LPIN1: variants seen among roughly 807,000 people sequenced by gnomAD.
LPIN1 encodes lipin 1, also known as phosphatidate phosphatase LPIN1.
Under a neutral mutation model 107.5 loss-of-function variants are expected in LPIN1, and 71 were observed. The observed-to-expected ratio is 0.66, with a 90% confidence interval of 0.55 to 0.80. The LOEUF (loss-of-function observed/expected upper bound fraction) is 0.80. Among genes scored for constraint, LPIN1 ranks in the 30% least tolerant of loss-of-function variants. The pLI, the probability that LPIN1 is intolerant of heterozygous loss-of-function variation, is 0.00. For missense variants in LPIN1, 1,043 were observed against 1,160.6 expected, an observed-to-expected ratio of 0.90 and a Z score of 1.47; for synonymous variants, 445 against 452.6, an observed-to-expected ratio of 0.98 and a Z score of 0.21.
chr2:11,759,685 G>A lies in LPIN1; in HGVS notation c.-9-5848G>A, dbSNP rs1281594940. On this transcript the variant is annotated intron_variant, in intron 1 of 20. Coordinates refer to ENST00000674199, the MANE Select transcript of LPIN1 (RefSeq NM_001349206.2). ...ATTGTCATCATGGCCCGTTCTCAAT[G>A]AGCTGTTGGGTACACCTCCCAGACG... Among the ~76,000 whole-genome samples the A allele has an allele frequency of 3.5e-3, 538 of 152,342 alleles. 4 individuals are homozygous for A. Among genetic ancestry groups the A allele is most frequent in the African/African-American group, 0.012 (518 of 41,574 alleles).
chr2:11,717,405 G>A (rs1378714645), intron 2 of LPIN1, among the ~76,000 whole-genome samples: 1 of 151,972 alleles, frequency 6.6e-6, no homozygotes, highest in Non-Finnish European at 1.5e-5. Context: ...TTTTCTTGGC[G>A]GGGAGAGATA....
chr2:11,692,957 C>A (rs1450732252), intron 1 of LPIN1, among the ~76,000 whole-genome samples: 1 of 152,158 alleles, frequency 6.6e-6, no homozygotes, highest in Non-Finnish European at 1.5e-5. Flanking sequence ...TTGAGGCCAG[C>A]TGAAGTTGGA....
At chr2:11,823,724 A>G (rs1681960635) in intron 20 of LPIN1, among the ~76,000 whole-genome samples, 1 of 152,208 alleles carries the variant, frequency 6.6e-6, no homozygotes, top group Admixed American at 6.5e-5. Context: ...CTGAACATGC[A>G]TATTCAATAT....
chr2:11,677,570 T>A, upstream of LPIN1: 1 of 1,108,392 alleles, frequency 9.0e-7, no homozygotes, highest in Non-Finnish European at 1.3e-6. Flanking sequence ...GCCTCCCAGC[T>A]TCTGAGCCGG....
chr2:11,819,619 A>G (rs1681188622), intron 19 of LPIN1, 21 bp downstream of exon 19: 2 of 1,543,062 alleles, frequency 1.3e-6, no homozygotes, highest in Admixed American at 3.3e-5. Flanking sequence ...GATTGGGTAT[A>G]GAAGAACCCT....
intron 1 of LPIN1, among the ~76,000 whole-genome samples, chr2:11,733,476 G>GTGAC (rs928473327): frequency 1.0e-4 from 15 of 150,034 alleles, no homozygotes; most frequent in Non-Finnish European, 1.9e-4. Context: ...TCTTTACTGT[G>GTGAC]TTTTCTTTCT....
intron 10 of LPIN1, among the ~76,000 whole-genome samples, chr2:11,785,641 C>G (rs1674431826): frequency 6.6e-6 from 1 of 152,126 alleles, no homozygotes; most frequent in African/African-American, 2.4e-5. Context: ...AGTGGCCCTG[C>G]ACCCCTCCCG....
At chr2:11,724,514 A>G (rs1209544268) in exon 1 of LPIN1, 1 of 985,580 alleles carries the variant, frequency 1.0e-6, no homozygotes, top group Non-Finnish European at 1.2e-6. Flanking sequence ...ATCAGAAGAA[A>G]AAGGAGAATC....
At chr2:11,706,324 A>G (rs912563188) in intron 1 of LPIN1, among the ~76,000 whole-genome samples, 1 of 152,228 alleles carries the variant, frequency 6.6e-6, no homozygotes, top group African/African-American at 2.4e-5. Flanking sequence ...CAGGCAGAAT[A>G]GTGGTCCCCC....
chr2:11,811,954 C>T (rs1679736595), intron 17 of LPIN1, among the ~76,000 whole-genome samples: 1 of 151,794 alleles, frequency 6.6e-6, no homozygotes, highest in Admixed American at 6.6e-5. Context: ...CACTGCACTC[C>T]AGCCTGGTGA....
At chr2:11,788,300 GCTTTCCTTGACTA>G in intron 11 of LPIN1, 74 bp from the exon 12 acceptor site, 1 of 1,020,580 alleles carries the variant, frequency 9.8e-7, no homozygotes, top group Non-Finnish European at 1.6e-6. Flanking sequence ...GGAGTCCCGA[GCTTTCCTTGACTA>G]CTTTATATGA....
chr2:11,684,139 C>G (rs1190056467), intron 1 of LPIN1, among the ~76,000 whole-genome samples: 1 of 152,218 alleles, frequency 6.6e-6, no homozygotes, highest in African/African-American at 2.4e-5. Flanking sequence ...AATGGCAGCT[C>G]TGGGTCTGGG....
Position 11,803,012 on chromosome 2 carries a change from C to A in LPIN1, c.1992C>A (p.Leu664=), listed in dbSNP as rs1476134353. Residue 664 remains leucine, a synonymous_variant, in exon 15 of 21, where the codon CTC becomes CTA. Coordinates refer to ENST00000674199, the MANE Select transcript of LPIN1 (RefSeq NM_001349206.2). This position sits in a 1 kb window ranked among gnomAD's most constrained non-coding sequence, Gnocchi z 4.2. ...LLPNVSYKKT[L]RLTSEQLKSL... ...CTAATGTCAGCTACAAGAAGACTCT[C>A]CGGCTGACTTCCGAGCAGCTTGTGA... The A allele has an allele frequency of 6.2e-7, 1 of 1,612,704 alleles. No individual in the cohort carries two copies. The highest frequency in any genetic ancestry group is 8.5e-7 in the Non-Finnish European group (1 of 1,180,028).
intron 1 of LPIN1, among the ~76,000 whole-genome samples, chr2:11,686,852 T>G (rs1434817432): frequency 6.6e-6 from 1 of 152,084 alleles, no homozygotes; most frequent in Non-Finnish European, 1.5e-5. Flanking sequence ...GCACTCACCT[T>G]TCCTCTTCTG....
chr2:11,679,160 C>T (rs137952651), intron 1 of LPIN1, among the ~76,000 whole-genome samples: 1 of 152,266 alleles, frequency 6.6e-6, no homozygotes, highest in East Asian at 1.9e-4. Flanking sequence ...CTCACACAAG[C>T]CTGGCAGGTG....
At chr2:11,802,763 T>C in intron 14 of LPIN1, 144 bp from the exon 15 acceptor site, 3 of 900,970 alleles carry the variant, frequency 3.3e-6, no homozygotes, top group Non-Finnish European at 5.5e-6. Flanking sequence ...ATTGATAAAT[T>C]TAACGTCTTA....
rs574592163 is a variant in LPIN1 at position 11,708,317 on chromosome 2, G to T, written c.82-5439G>T. Among the ~76,000 whole-genome samples, 5 of 152,294 alleles carry T rather than the reference G, an allele frequency of 3.3e-5. No homozygotes were observed. In the South Asian group the frequency reaches 6.2e-4, roughly 19 times the overall value. ...GAGGGTGATTATTTGCCAAGGGGGG[G>T]ACTCTGAGAAGGCCCCATGGAGAGC... is the stretch of plus-strand genomic sequence containing the variant. On this transcript the variant is annotated intron_variant, in intron 1 of 21. Coordinates refer to the LPIN1 transcript ENST00000449576.
chr2:11,720,076 A>G (rs1444438088), upstream of LPIN1, among the ~76,000 whole-genome samples: 5 of 152,014 alleles, frequency 3.3e-5, no homozygotes, highest in African/African-American at 9.7e-5. Flanking sequence ...TATATTTACT[A>G]GCTCTTGTAT....
chr2:11,700,417 A>G (rs754499420), intron 1 of LPIN1, among the ~76,000 whole-genome samples: 1 of 152,026 alleles, frequency 6.6e-6, no homozygotes, highest in Non-Finnish European at 1.5e-5. Flanking sequence ...AACCTGTCTC[A>G]TCCTGACCTC....
Sources: allele counts gnomAD v4.1 joint callset (sites outside exome capture counted in the v4.1 genomes callset), GRCh38; gene constraint gnomAD v4.1.1; non-coding constraint Gnocchi (gnomAD v3.1); transcripts MANE v1.5; gene names NCBI Gene and HGNC (gene_info 2026-07-23, HGNC 2026-07-21).